SDCCAG8: variants seen among roughly 807,000 people sequenced by gnomAD.
SDCCAG8 encodes serologically defined colon cancer antigen 8.
A neutral mutation model predicts 101.8 loss-of-function variants in SDCCAG8; 74 were observed. That is an observed-to-expected ratio of 0.73 (90% CI 0.60 to 0.88). SDCCAG8 has a LOEUF of 0.88. SDCCAG8 is among the 40% of genes least tolerant of loss of function. SDCCAG8 has a pLI of 0.00. For missense variants in SDCCAG8, 787 were observed against 822.6 expected (o/e 0.96, Z 0.53); for synonymous variants, 281 against 292.9 (o/e 0.96, Z 0.41).
In SDCCAG8 at chr1:243,403,084, A is replaced by G. The variant is rs530154742; in HGVS notation, c.1617-12618A>G. On this transcript the variant is annotated intron_variant, in intron 13 of 17. Coordinates refer to ENST00000366541, the MANE Select transcript of SDCCAG8 (RefSeq NM_006642.5). ...ATCTGTTAACTGGATTTAGACAATT[A>G]GGAACCTTTCAAATGGTGATCTGGG... 3.1e-4 allele frequency among the ~76,000 whole-genome samples: 47 copies of G among 152,372 alleles called. 1 individual carries two copies. Among genetic ancestry groups the G allele is most frequent in the African/African-American group, 1.1e-3 (47 of 41,596 alleles).
At chr1:243,481,369 G>A (rs1443722496) in intron 16 of SDCCAG8, among the ~76,000 whole-genome samples, 1 of 152,164 alleles carries the variant, frequency 6.6e-6, no homozygotes, top group African/African-American at 2.4e-5. Flanking sequence ...CTTACCTTGT[G>A]TGCGCTTGGG....
chr1:243,304,054 T>C lies in SDCCAG8; in HGVS notation c.676-659T>C, dbSNP rs570294703. 7.1e-4 allele frequency among the ~76,000 whole-genome samples: 107 copies of C among 150,642 alleles called. 1 individual carries two copies. Among genetic ancestry groups the C allele is most frequent in the Non-Finnish European group, 1.2e-3 (83 of 67,624 alleles). ...CGCCACTGCACTCCAGCCTTGGTGA[T>C]AGAGTGAGACTCTGTCTCAAAAAAA... On this transcript the variant is annotated intron_variant, in intron 6 of 17. Transcript: ENST00000366541.
chr1:243,356,648 G>A (rs2076401567), intron 12 of SDCCAG8, among the ~76,000 whole-genome samples: 2 of 152,038 alleles, frequency 1.3e-5, no homozygotes, highest in East Asian at 1.9e-4. Context: ...AACCATTACT[G>A]GTATGAAAAT....
chr1:243,339,731 G>T (rs553378679), intron 10 of SDCCAG8, among the ~76,000 whole-genome samples: 16 of 152,220 alleles, frequency 1.1e-4, no homozygotes, highest in South Asian at 4.1e-4. Flanking sequence ...TTGATGTCAG[G>T]TTCTTAATTT....
In SDCCAG8 at chr1:243,450,095, G is replaced by A. The variant is rs12022497; in HGVS notation, c.1985+23537G>A. Among the ~76,000 whole-genome samples the A allele has an allele frequency of 2.7e-3, 404 of 152,258 alleles. 16 individuals are homozygous for A. In the East Asian group the frequency reaches 0.069, roughly 26 times the overall value. On this transcript the variant is annotated intron_variant, in intron 16 of 17. Coordinates refer to ENST00000366541, the MANE Select transcript of SDCCAG8 (RefSeq NM_006642.5). ...GTCAGACCTTGTTCCTATGGTAGAC[G>A]TCTCTGTTTTCCAGCACTTAGAGCA...
At chr1:243,489,870 A>G (rs1665955555) in intron 17 of SDCCAG8, among the ~76,000 whole-genome samples, 1 of 152,154 alleles carries the variant, frequency 6.6e-6, no homozygotes, top group Admixed American at 6.5e-5. Flanking sequence ...GGAGGAAGGA[A>G]AGTGTCCCGG....
At chr1:243,334,644 C>T (rs920780714) in intron 10 of SDCCAG8, among the ~76,000 whole-genome samples, 14 of 152,040 alleles carry the variant, frequency 9.2e-5, no homozygotes, top group African/African-American at 3.4e-4. Context: ...CAGGCTGGAG[C>T]TCAGTGGGGT....
chr1:243,394,440 C>G (rs972313609), intron 13 of SDCCAG8, among the ~76,000 whole-genome samples: 6 of 152,168 alleles, frequency 3.9e-5, no homozygotes, highest in African/African-American at 1.4e-4. Flanking sequence ...TATCCCAGTT[C>G]TTTGTCCTGC....
intron 13 of SDCCAG8, among the ~76,000 whole-genome samples, chr1:243,398,652 T>C (rs1360879568): frequency 6.6e-6 from 1 of 152,332 alleles, no homozygotes; most frequent in East Asian, 1.9e-4. Context: ...GCTACTAGCA[T>C]GGTGCTGCTT....
At chr1:243,451,885 C>T (rs934310370) in intron 16 of SDCCAG8, among the ~76,000 whole-genome samples, 3 of 152,150 alleles carry the variant, frequency 2.0e-5, no homozygotes, top group East Asian at 1.9e-4. Context: ...GCTGAGATCA[C>T]GCCACTGCAC....
chr1:243,360,135 C>A (rs976050068), intron 12 of SDCCAG8, among the ~76,000 whole-genome samples: 86 of 145,450 alleles, frequency 5.9e-4, no homozygotes, highest in African/African-American at 2.1e-3. Flanking sequence ...TGTGTTATTG[C>A]AACAGTCTCT....
At chr1:243,492,395 G>A (rs191222847) in intron 17 of SDCCAG8, among the ~76,000 whole-genome samples, 54 of 124,018 alleles carry the variant, frequency 4.4e-4, no homozygotes, top group African/African-American at 1.6e-3. Flanking sequence ...TCCGCCTCCC[G>A]GCTTCAAGTG....
chr1:243,351,201 C>G (rs925366689), intron 12 of SDCCAG8, among the ~76,000 whole-genome samples: 1 of 152,178 alleles, frequency 6.6e-6, no homozygotes, highest in South Asian at 2.1e-4. Flanking sequence ...TGTAATCACT[C>G]GGTCCTGGTG....
chr1:243,351,031 T>G (rs1023077638), intron 12 of SDCCAG8, among the ~76,000 whole-genome samples: 1 of 152,230 alleles, frequency 6.6e-6, no homozygotes, highest in Non-Finnish European at 1.5e-5. Flanking sequence ...TCTTTAAAGC[T>G]GTGTACTCTT....
At chr1:243,453,932 A>C (rs1343311223) in intron 16 of SDCCAG8, among the ~76,000 whole-genome samples, 1 of 152,202 alleles carries the variant, frequency 6.6e-6, no homozygotes, top group Non-Finnish European at 1.5e-5. Context: ...TGGGTATATA[A>C]CAATAATTGG....
intron 4 of SDCCAG8, among the ~76,000 whole-genome samples, chr1:243,281,910 T>C (rs1022599460): frequency 6.6e-6 from 1 of 152,160 alleles, no homozygotes; most frequent in African/African-American, 2.4e-5. Flanking sequence ...CCTTCCAAAG[T>C]GCTGGGCTTA....
At chr1:243,491,328 T>C (rs1666361661) in intron 17 of SDCCAG8, among the ~76,000 whole-genome samples, 2 of 152,212 alleles carry the variant, frequency 1.3e-5, no homozygotes, top group Admixed American at 6.5e-5. Context: ...TTCTTTCTTC[T>C]TTTGCCTGAA....
rs1423988074 is a variant in SDCCAG8, at chr1:243,316,967, ATTC to A, written c.1068+79_1068+81del. ...TTTTCTTCTGAGTATTTATTTGGTTATTCTTCTATAACTAAACTTTGTTTTTCA... is the reference window on the plus strand; with the variant it reads ...TTTTCTTCTGAGTATTTATTTGGTTATTCTATAACTAAACTTTGTTTTTCA... On this transcript the variant is annotated intron_variant, in intron 9 of 17. Transcript: ENST00000366541. 6.9e-6 allele frequency: 10 copies of A among 1,450,426 alleles called. No individual in the cohort carries two copies. In the East Asian group the frequency reaches 1.9e-4, roughly 28 times the overall value. The allele number at this position is 1,450,426 out of a possible 1,614,324, so 89.8% of individuals were successfully genotyped here.
chr1:243,403,122 G>A (rs565996734), intron 13 of SDCCAG8, among the ~76,000 whole-genome samples: 2 of 152,262 alleles, frequency 1.3e-5, no homozygotes, highest in Admixed American at 6.5e-5. Context: ...GGACGTTGCC[G>A]GTTGCCTCAT....
Sources: gnomAD v4.1 joint callset for allele counts (sites outside exome capture counted in the v4.1 genomes callset) on GRCh38, gnomAD v4.1.1 for gene constraint, MANE v1.5 for transcripts, NCBI Gene and HGNC (gene_info 2026-07-23, HGNC 2026-07-21) for gene names.